Variants in UTRN observed in about 807,000 individuals in gnomAD.
The protein encoded by UTRN is utrophin, also known as dystrophin-related protein 1.
Under a neutral mutation model 463.9 loss-of-function variants are expected in UTRN, and 283 were observed. That is an observed-to-expected ratio of 0.61 (90% CI 0.55 to 0.67). UTRN has a LOEUF of 0.67. Ranked by LOEUF, UTRN falls within the 30% of genes least tolerant of loss-of-function variation. The pLI is 0.00. For synonymous variants in UTRN, 1,442 were observed against 1,431.5 expected, an observed-to-expected ratio of 1.01 and a Z score of -0.17; for missense variants, 3,922 against 4,084.3, an observed-to-expected ratio of 0.96 and a Z score of 1.08.
chr6:144,727,977 G>C (rs1788073354), intron 53 of UTRN, among the ~76,000 whole-genome samples: 2 of 151,602 alleles, frequency 1.3e-5, no homozygotes, highest in South Asian at 4.2e-4. Context: ...GCAGGCACCT[G>C]TAATCCCAGC....
At chr6:144,784,354 G>A (rs1776120008) in intron 61 of UTRN, among the ~76,000 whole-genome samples, 1 of 152,172 alleles carries the variant, frequency 6.6e-6, no homozygotes, top group East Asian at 1.9e-4. Context: ...TGAAGGTGTC[G>A]GCTGGGTTGA....
chr6:144,404,569 A>C, intron 3 of UTRN, among the ~76,000 whole-genome samples: 1 of 152,216 alleles, frequency 6.6e-6, no homozygotes, highest in East Asian at 1.9e-4. Flanking sequence ...AATTGTTTAG[A>C]TAGAACAAGT....
At chr6:144,370,628 C>A (rs920245620) in intron 2 of UTRN, among the ~76,000 whole-genome samples, 20 of 152,176 alleles carry the variant, frequency 1.3e-4, no homozygotes, top group Non-Finnish European at 2.4e-4. Context: ...GAGAAGAGGG[C>A]CATCATCCTT....
Position 144,605,580 on chromosome 6 carries a change from A to C in UTRN, c.7479+28292A>C, listed in dbSNP as rs142670303. Reference sequence around the variant, plus strand: ...TTTGTATAAAATTACTTAGAAGTGAATCAATATTCTGTTTATTGTGTCACC... The same window carrying C: ...TTTGTATAAAATTACTTAGAAGTGACTCAATATTCTGTTTATTGTGTCACC... On this transcript the variant is annotated intron_variant, in intron 51 of 74. Transcript: ENST00000367545. 8.7e-3 allele frequency among the ~76,000 whole-genome samples: 1,330 copies of C among 152,026 alleles called. 25 individuals carry two copies. Among genetic ancestry groups the C allele is most frequent in the African/African-American group, 0.029 (1,186 of 41,444 alleles).
At chr6:144,708,390 T>G (rs777967395) in intron 53 of UTRN, 222 of 641,548 alleles carry the variant, frequency 3.5e-4, no homozygotes, top group Middle Eastern at 9.3e-4. Context: ...ATAAAGTGTT[T>G]AGAGGCTTTG....
intron 9 of UTRN, among the ~76,000 whole-genome samples, chr6:144,435,461 G>A (rs1170928013): frequency 6.6e-6 from 1 of 152,212 alleles, no homozygotes; most frequent in Admixed American, 6.5e-5. Context: ...ATGCTAAAAT[G>A]CAGTTCAGCA....
intron 53 of UTRN, among the ~76,000 whole-genome samples, chr6:144,725,985 G>A (rs565449414): frequency 6.6e-6 from 1 of 151,866 alleles, no homozygotes; most frequent in Non-Finnish European, 1.5e-5. Context: ...AAAGGAGTTC[G>A]CGAGACATTC....
At chr6:144,398,604 C>A in intron 2 of UTRN, 1 of 189,092 alleles carries the variant, frequency 5.3e-6, no homozygotes, top group Admixed American at 5.8e-5. Context: ...ACATACACAG[C>A]AGTACGGAGA....
chr6:144,624,410 A>G (rs147537748), intron 51 of UTRN, among the ~76,000 whole-genome samples: 39 of 152,352 alleles, frequency 2.6e-4, no homozygotes, highest in Non-Finnish European at 5.3e-4. Context: ...GAGCTTAGAC[A>G]AGAGTCAGCC....
intron 51 of UTRN, among the ~76,000 whole-genome samples, chr6:144,655,013 G>A (rs1008613141): frequency 6.7e-6 from 1 of 149,894 alleles, no homozygotes; most frequent in Non-Finnish European, 1.5e-5. Context: ...ATTAAGTATT[G>A]AATCTTTTTC....
intron 51 of UTRN, among the ~76,000 whole-genome samples, chr6:144,654,444 G>A (rs1335596009): frequency 1.3e-5 from 2 of 152,210 alleles, no homozygotes; most frequent in African/African-American, 2.4e-5. Flanking sequence ...CCTGGGGAAA[G>A]TACCAGCTTT....
chr6:144,805,460 T>C (rs1340082132), intron 65 of UTRN, among the ~76,000 whole-genome samples: 1 of 152,194 alleles, frequency 6.6e-6, no homozygotes, highest in Non-Finnish European at 1.5e-5. Context: ...GATTCAGCCC[T>C]GTAAAGAACT....
At chr6:144,594,827 C>T (rs776207768) in intron 51 of UTRN, among the ~76,000 whole-genome samples, 2 of 152,094 alleles carry the variant, frequency 1.3e-5, no homozygotes, top group Non-Finnish European at 2.9e-5. Context: ...TGAACACTTT[C>T]TCTTTTTAAT....
intron 60 of UTRN, among the ~76,000 whole-genome samples, chr6:144,776,553 C>T (rs773304812): frequency 6.6e-6 from 1 of 152,134 alleles, no homozygotes; most frequent in Non-Finnish European, 1.5e-5. Flanking sequence ...ATTTCGAGAA[C>T]GTTGCACATG....
intron 65 of UTRN, among the ~76,000 whole-genome samples, chr6:144,810,007 G>T (rs1778472721): frequency 6.6e-6 from 1 of 152,154 alleles, no homozygotes; most frequent in Admixed American, 6.6e-5. Context: ...TTATGCTTAG[G>T]TTTGATGAAG....
At chr6:144,565,997 G>A (rs1469761815) in intron 50 of UTRN, among the ~76,000 whole-genome samples, 1 of 151,978 alleles carries the variant, frequency 6.6e-6, no homozygotes, top group East Asian at 1.9e-4. Context: ...AGAGACTGAT[G>A]ATTAAATGCA....
chr6:144,490,939 G>A lies in UTRN; in HGVS notation c.4274G>A (p.Arg1425Gln), dbSNP rs530150568. ...CATTTCTGCAAACAGAGGAAACTCC[G>A]AGAGGTGTCCACAAAGTTCCAGCTT... ...SQMDVLQRKL[R>Q]EVSTKFQLFQ... The change falls in exon 32 of 75, where the codon CGA (arginine) becomes CAA (glutamine). Residue 1425 changes from arginine to glutamine, a missense_variant. Arg to Gln is a conservative substitution (Grantham distance 43). Around this residue, in one of 3 missense-constraint regions of UTRN, gnomAD observed 2,349 missense variants for 2,303.8 expected, o/e 1.02. Coordinates refer to ENST00000367545, the MANE Select transcript of UTRN (RefSeq NM_007124.3). 7.5e-6 allele frequency: 12 copies of A among 1,600,100 alleles called. No homozygotes were observed. The highest frequency in any genetic ancestry group is 4.0e-5 in the African/African-American group (3 of 74,306).
chr6:144,656,004 G>A (rs1779273215), intron 51 of UTRN, among the ~76,000 whole-genome samples: 1 of 152,026 alleles, frequency 6.6e-6, no homozygotes, highest in South Asian at 2.1e-4. Context: ...TGAGTCCATT[G>A]CTGAGTTTTC....
intron 53 of UTRN, among the ~76,000 whole-genome samples, chr6:144,718,459 C>G (rs1202420349): frequency 6.6e-6 from 1 of 152,122 alleles, no homozygotes; most frequent in Non-Finnish European, 1.5e-5. Flanking sequence ...GAGACCCTGT[C>G]TCTTAAAAAA....
Sources: allele counts gnomAD v4.1 joint callset (sites outside exome capture counted in the v4.1 genomes callset), GRCh38; gene constraint gnomAD v4.1.1; regional missense constraint gnomAD v4.1.1; transcripts MANE v1.5; gene names NCBI Gene and HGNC (gene_info 2026-07-23, HGNC 2026-07-21).